The following FGGY variants were observed in gnomAD, a reference collection of about 807,000 sequenced individuals.
FGGY encodes the protein FGGY carbohydrate kinase domain-containing protein.
A neutral mutation model predicts 71.3 loss-of-function variants in FGGY; 72 were observed. That is an observed-to-expected ratio of 1.01 (90% CI 0.84 to 1.23). The LOEUF (loss-of-function observed/expected upper bound fraction) is 1.23. FGGY is among the 50% of genes most tolerant of loss of function. The probability of loss-of-function intolerance (pLI) is 0.00; values close to 1 mark genes in which losing one functional copy is unlikely to be tolerated. For synonymous variants in FGGY, 251 were observed against 250.3 expected, an observed-to-expected ratio of 1.00 and a Z score of -0.02; for missense variants, 668 against 682.3, an observed-to-expected ratio of 0.98 and a Z score of 0.23.
chr1:59,499,327 T>A lies in FGGY; in HGVS notation c.671-12984T>A, dbSNP rs1300811099. ...TTTTTTTTTTTTTTGATCTGGTAACTGAGAGGATTACTAAGCGGACGACAG... is the reference window on the plus strand; with the variant it reads ...TTTTTTTTTTTTTTGATCTGGTAACAGAGAGGATTACTAAGCGGACGACAG... On this transcript the variant is annotated intron_variant, in intron 6 of 15. Coordinates refer to ENST00000303721, the MANE Select transcript of FGGY (RefSeq NM_018291.5). Among the ~76,000 whole-genome samples, 10 of 143,148 alleles carry A rather than the reference T, an allele frequency of 7.0e-5. No individual in the cohort carries two copies. In the South Asian group the frequency reaches 2.2e-3, roughly 31 times the overall value. The allele number at this position is 143,148 out of a possible 152,430, so 93.9% of individuals were successfully genotyped here. A position where few individuals can be genotyped will look rare whatever the true frequency, so the allele number is the denominator to read the frequency against.
chr1:59,370,412 G>T (rs1571144696), intron 4 of FGGY, among the ~76,000 whole-genome samples: 1 of 152,328 alleles, frequency 6.6e-6, no homozygotes, highest in East Asian at 1.9e-4. Context: ...TATGTGGAAA[G>T]ACCAAATCTA....
intron 2 of FGGY, among the ~76,000 whole-genome samples, chr1:59,328,658 C>T (rs775799805): frequency 5.3e-5 from 8 of 152,198 alleles, no homozygotes; most frequent in Non-Finnish European, 1.0e-4. Flanking sequence ...CCAGTCTTGG[C>T]TTTCCCTATG....
At chr1:59,431,968 GA>G (rs2067454617) in intron 5 of FGGY, among the ~76,000 whole-genome samples, 1 of 152,204 alleles carries the variant, frequency 6.6e-6, no homozygotes, top group South Asian at 2.1e-4. Flanking sequence ...GAGTTGGTCA[GA>G]ATGGGACTTG....
At chr1:59,300,316 C>T (rs371066850) in intron 1 of FGGY, among the ~76,000 whole-genome samples, 2 of 152,124 alleles carry the variant, frequency 1.3e-5, no homozygotes, top group South Asian at 2.1e-4. Flanking sequence ...TTCAATCTTT[C>T]GTCCATTTTA....
intron 4 of FGGY, among the ~76,000 whole-genome samples, chr1:59,372,323 T>G (rs912494503): frequency 9.9e-5 from 15 of 152,156 alleles, no homozygotes; most frequent in African/African-American, 2.9e-4. Context: ...AATGGATAAA[T>G]TACTTGACAC....
At chr1:59,491,042 C>T (rs200936453) in intron 6 of FGGY, among the ~76,000 whole-genome samples, 8 of 40 alleles carry the variant, frequency 0.2, no homozygotes, top group Admixed American at 0.5. Flanking sequence ...TCCTTTCCTT[C>T]CTTCCTTCCT....
chr1:59,442,436 T>C (rs1457986650), intron 5 of FGGY, among the ~76,000 whole-genome samples: 3 of 152,188 alleles, frequency 2.0e-5, no homozygotes, highest in Non-Finnish European at 4.4e-5. Context: ...GTTTTTGTTT[T>C]TGTTTTTGTT....
At chr1:59,511,631 G>C (rs1052520897) in intron 6 of FGGY, among the ~76,000 whole-genome samples, 13 of 151,062 alleles carry the variant, frequency 8.6e-5, no homozygotes, top group African/African-American at 3.2e-4. Flanking sequence ...TTAACTGAAG[G>C]CCTGACTGCA....
In FGGY at chr1:59,554,109, T is replaced by C; in HGVS notation, c.800-15T>C. ...TGTGTTAAAGAGGATTTGTTTTTGT[T>C]TTCCTTTCTCACAGGAGTGATTGGG... On this transcript the variant is annotated splice_polypyrimidine_tract_variant and intron_variant, in intron 7 of 15. Coordinates refer to ENST00000303721, the MANE Select transcript of FGGY (RefSeq NM_018291.5). 1 of 1,577,352 alleles carries C rather than the reference T, an allele frequency of 6.3e-7. No individual in the cohort carries two copies. Among genetic ancestry groups the C allele is most frequent in the Non-Finnish European group, 8.7e-7 (1 of 1,151,942 alleles).
chr1:59,603,637 T>C (rs1053235003), intron 8 of FGGY, among the ~76,000 whole-genome samples: 2 of 152,202 alleles, frequency 1.3e-5, no homozygotes, highest in Non-Finnish European at 2.9e-5. Context: ...TAGCTGAGAA[T>C]TGGGCAGAGT....
chr1:59,493,025 T>C (rs182014983), intron 6 of FGGY, among the ~76,000 whole-genome samples: 10 of 152,048 alleles, frequency 6.6e-5, no homozygotes, highest in African/African-American at 1.9e-4. Context: ...TTTGTCTTGA[T>C]GGGTTTGTAT....
At chr1:59,482,634 G>GTGTATATATATATATATATA (rs144699610) in intron 6 of FGGY, among the ~76,000 whole-genome samples, 7 of 147,462 alleles carry the variant, frequency 4.7e-5, no homozygotes, top group African/African-American at 1.8e-4. Flanking sequence ...GTGTCTGTGT[G>GTGTATATATATATATATATA]TATATATATA....
chr1:59,728,255 A>T (rs2097973993), intron 14 of FGGY, among the ~76,000 whole-genome samples: 1 of 152,056 alleles, frequency 6.6e-6, no homozygotes, highest in Non-Finnish European at 1.5e-5. Flanking sequence ...GTTTAATCTA[A>T]GTCTGGCTTC....
chr1:59,685,282 C>T (rs1000865161), intron 14 of FGGY, among the ~76,000 whole-genome samples: 2 of 151,982 alleles, frequency 1.3e-5, no homozygotes, highest in African/African-American at 4.8e-5. Flanking sequence ...GCTGTGGTGA[C>T]CCTTTGACAG....
At chr1:59,426,387 G>A (rs1410691516) in intron 5 of FGGY, among the ~76,000 whole-genome samples, 1 of 152,156 alleles carries the variant, frequency 6.6e-6, no homozygotes, top group African/African-American at 2.4e-5. Flanking sequence ...GTGAAGGGAG[G>A]GGAAGGAGGA....
At chr1:59,429,578 C>T (rs1057340508) in intron 5 of FGGY, among the ~76,000 whole-genome samples, 2 of 152,162 alleles carry the variant, frequency 1.3e-5, no homozygotes, top group African/African-American at 4.8e-5. Flanking sequence ...GCTGTCTCCT[C>T]ACTCCCCCAA....
At chr1:59,594,361 A>G (rs1008484107) in intron 8 of FGGY, among the ~76,000 whole-genome samples, 1 of 152,232 alleles carries the variant, frequency 6.6e-6, no homozygotes, top group African/African-American at 2.4e-5. Flanking sequence ...TGAAGGCAGT[A>G]TGTAGGGTTT....
chr1:59,553,968 C>T, intron 7 of FGGY, 156 bp from the exon 8 acceptor site: 1 of 522,154 alleles, frequency 1.9e-6, no homozygotes, highest in Non-Finnish European at 3.3e-6. Flanking sequence ...GCAAGTATGC[C>T]CTTTGGGTTT....
At chr1:59,333,958 G>T (rs1418380381) in intron 2 of FGGY, among the ~76,000 whole-genome samples, 1 of 152,176 alleles carries the variant, frequency 6.6e-6, no homozygotes, top group Non-Finnish European at 1.5e-5. Flanking sequence ...TCCACAGGAT[G>T]AGTCTCTTGG....
Sources: allele counts gnomAD v4.1 joint callset (sites outside exome capture counted in the v4.1 genomes callset), GRCh38; gene constraint gnomAD v4.1.1; transcripts MANE v1.5; gene names NCBI Gene and HGNC (gene_info 2026-07-23, HGNC 2026-07-21).